DAB1: variants seen among roughly 807,000 people sequenced by gnomAD.
The protein encoded by DAB1 is disabled homolog 1.
Under a neutral mutation model 64.6 loss-of-function variants are expected in DAB1, and 15 were observed. That is an observed-to-expected ratio of 0.23 (90% CI 0.16 to 0.36). The LOEUF is 0.36. DAB1 is among the 10% of genes least tolerant of loss of function. The pLI, the probability that DAB1 is intolerant of heterozygous loss-of-function variation, is 1.00. For missense variants in DAB1, 596 were observed against 706.7 expected (o/e 0.84, Z 1.78); for synonymous variants, 235 against 251.9 (o/e 0.93, Z 0.64).
chr1:58,393,850 A>C (rs2100557437), intron 3 of DAB1, among the ~76,000 whole-genome samples: 1 of 152,336 alleles, frequency 6.6e-6, no homozygotes, highest in East Asian at 1.9e-4. Context: ...TATATTTCAA[A>C]TTGCTAAAAG....
At chr1:57,818,120 A>G (rs1651951414) in intron 6 of DAB1, among the ~76,000 whole-genome samples, 1 of 152,228 alleles carries the variant, frequency 6.6e-6, no homozygotes, top group Non-Finnish European at 1.5e-5. Flanking sequence ...ACAATATAAC[A>G]GTTAGAGAAA....
At chr1:57,268,590 T>G (rs761149366) in intron 2 of DAB1, among the ~76,000 whole-genome samples, 12 of 152,198 alleles carry the variant, frequency 7.9e-5, no homozygotes, top group Non-Finnish European at 1.3e-4. Flanking sequence ...AAAACCAGGT[T>G]TCTTCCCTGA....
intron 4 of DAB1, among the ~76,000 whole-genome samples, chr1:57,081,655 A>G (rs1652568523): frequency 1.3e-5 from 2 of 151,956 alleles, no homozygotes; most frequent in East Asian, 3.9e-4. Flanking sequence ...TCTGAACAAT[A>G]TAATAGTCAT....
intron 3 of DAB1, among the ~76,000 whole-genome samples, chr1:58,356,716 AT>A (rs1168570593): frequency 2.0e-5 from 3 of 151,888 alleles, no homozygotes; most frequent in Non-Finnish European, 2.9e-5. Context: ...ATCCCATAGG[AT>A]TTTTTTCCCC....
At chr1:58,310,512 C>A (rs1662405765) in intron 4 of DAB1, among the ~76,000 whole-genome samples, 2 of 152,032 alleles carry the variant, frequency 1.3e-5, no homozygotes, top group Non-Finnish European at 2.9e-5. Context: ...GGGCTTTGGC[C>A]TTCTCTTGAT....
intron 2 of DAB1, among the ~76,000 whole-genome samples, chr1:57,169,262 CT>C (rs1661499311): frequency 6.6e-6 from 1 of 152,144 alleles, no homozygotes; most frequent in Admixed American, 6.6e-5. Flanking sequence ...GAAACCCACT[CT>C]TCAACAATCT....
At chr1:58,398,219 A>G (rs1265235821) in intron 3 of DAB1, among the ~76,000 whole-genome samples, 4 of 152,214 alleles carry the variant, frequency 2.6e-5, no homozygotes, top group Non-Finnish European at 5.9e-5. Context: ...AGACTTGTCT[A>G]CATCTATACT....
intron 7 of DAB1, among the ~76,000 whole-genome samples, chr1:57,520,477 A>G (rs756449553): frequency 6.6e-6 from 1 of 152,102 alleles, no homozygotes; most frequent in Non-Finnish European, 1.5e-5. Context: ...TTTGTTTTGC[A>G]TATATTGTTC....
Position 57,015,372 on chromosome 1 carries a change from G to C in DAB1, c.955C>G (p.Gln319Glu). 1 of 1,614,014 alleles carries C rather than the reference G, an allele frequency of 6.2e-7. No homozygotes were observed. Among genetic ancestry groups the C allele is most frequent in the Non-Finnish European group, 8.5e-7 (1 of 1,180,030 alleles). The change falls in exon 12 of 15, where the codon CAG becomes GAG. Residue 319 changes from glutamine (Q) to glutamate (E), a missense_variant. By Grantham distance (29) the Gln-to-Glu change is conservative (BLOSUM62 2). Transcript: ENST00000371236. The stretch of plus-strand genomic sequence containing the variant: ...GGCTGGGCACCCATGACCATCTGCT[G>C]TTGGACGAGGGGCTGCTGACCCCAG... The part of the protein sequence containing the change: ...SFWGQQPLVQ[Q>E]QMVMGAQPPV...
chr1:57,622,626 T>C (rs1645873289), intron 7 of DAB1, among the ~76,000 whole-genome samples: 1 of 152,172 alleles, frequency 6.6e-6, no homozygotes, highest in Non-Finnish European at 1.5e-5. Context: ...AGAGGTTAAG[T>C]AACTTGACCA....
intron 5 of DAB1, among the ~76,000 whole-genome samples, chr1:58,105,723 G>A (rs1461961880): frequency 2.0e-5 from 3 of 152,164 alleles, no homozygotes; most frequent in Admixed American, 1.3e-4. Flanking sequence ...AAGGCACTTA[G>A]GAATAATGAG....
chr1:57,334,806 T>C (rs568642463), intron 1 of DAB1, among the ~76,000 whole-genome samples: 54 of 152,310 alleles, frequency 3.5e-4, no homozygotes, highest in African/African-American at 1.2e-3. Flanking sequence ...TAAGGTCATC[T>C]GGCTAGTAAT....
intron 1 of DAB1, among the ~76,000 whole-genome samples, chr1:57,858,952 T>G (rs974621775): frequency 6.6e-6 from 1 of 151,984 alleles, no homozygotes; most frequent in African/African-American, 2.4e-5. Flanking sequence ...GACTTGCCAT[T>G]GGTCAGAACC....
At chr1:57,448,028 C>G (rs1224444609) in intron 7 of DAB1, among the ~76,000 whole-genome samples, 1 of 152,068 alleles carries the variant, frequency 6.6e-6, no homozygotes, top group Non-Finnish European at 1.5e-5. Context: ...ATAACCCGTC[C>G]CTAAAAACAT....
chr1:58,451,907 C>CT (rs1244699554), intron 3 of DAB1, among the ~76,000 whole-genome samples: 2 of 147,916 alleles, frequency 1.4e-5, no homozygotes, highest in East Asian at 2.0e-4. Context: ...AAAGCATCCA[C>CT]TTTTTTTCTT....
intron 5 of DAB1, among the ~76,000 whole-genome samples, chr1:58,060,585 A>C (rs2764677): frequency 2.0e-5 from 3 of 152,022 alleles, no homozygotes; most frequent in Admixed American, 6.5e-5. Flanking sequence ...TCTTTTTTTT[A>C]CCTGACAGTT....
chr1:58,030,136 G>A (rs1646950008), intron 5 of DAB1, among the ~76,000 whole-genome samples: 1 of 152,094 alleles, frequency 6.6e-6, no homozygotes, highest in East Asian at 1.9e-4. Context: ...GAACCTGGGA[G>A]GCAGAGGTTG....
At chr1:57,894,036 T>G (rs556745919) in intron 5 of DAB1, among the ~76,000 whole-genome samples, 1 of 152,158 alleles carries the variant, frequency 6.6e-6, no homozygotes, top group African/African-American at 2.4e-5. Context: ...TCCCAAGCAC[T>G]AGCAGGCCAC....
intron 7 of DAB1, among the ~76,000 whole-genome samples, chr1:57,572,746 G>C (rs1645207624): frequency 6.6e-6 from 1 of 152,194 alleles, no homozygotes; most frequent in African/African-American, 2.4e-5. Flanking sequence ...TGGTTCTGCA[G>C]GCATTACGGG....
Sources: gnomAD v4.1 joint callset for allele counts (sites outside exome capture counted in the v4.1 genomes callset) on GRCh38, gnomAD v4.1.1 for gene constraint, MANE v1.5 for transcripts, NCBI Gene and HGNC (gene_info 2026-07-23, HGNC 2026-07-21) for gene names.